Variants in CEP85L observed in about 807,000 individuals in gnomAD.
The protein encoded by CEP85L is centrosomal protein 85L.
CEP85L carries 60 observed loss-of-function variants against 100.3 expected under a neutral mutation model. The ratio of observed to expected loss-of-function variants is 0.60; its 90% CI spans 0.49 to 0.74. The LOEUF (loss-of-function observed/expected upper bound fraction) is 0.74, where lower values mean the gene tolerates loss of function less well. Among genes scored for constraint, CEP85L ranks in the 30% least tolerant of loss-of-function variants. The probability of loss-of-function intolerance (pLI) is 0.00; values close to 1 mark genes in which losing one functional copy is unlikely to be tolerated. For missense variants in CEP85L, 973 were observed against 936.2 expected (o/e 1.04, Z -0.51); for synonymous variants, 319 against 322.7 (o/e 0.99, Z 0.12).
At chr6:118,651,913 A>T, upstream of CEP85L, 1 of 985,534 alleles carries the variant, frequency 1.0e-6, no homozygotes. Context: ...CTGTGAAGAC[A>T]CGTGGAAGAC....
chr6:118,589,088 T>C, intron 2 of CEP85L: 1 of 317,908 alleles, frequency 3.1e-6, no homozygotes, highest in Non-Finnish European at 6.6e-6. Context: ...AGACAGCACC[T>C]TTGCAAAGAG....
At chr6:118,482,491 A>G (rs1034797311) in intron 7 of CEP85L, among the ~76,000 whole-genome samples, 2 of 152,206 alleles carry the variant, frequency 1.3e-5, no homozygotes, top group African/African-American at 4.8e-5. Context: ...ACTTCACAAA[A>G]TGTCCTCCAG....
chr6:118,530,778 C>A, intron 3 of CEP85L, among the ~76,000 whole-genome samples: 1 of 151,518 alleles, frequency 6.6e-6, no homozygotes, highest in African/African-American at 2.4e-5. Context: ...GAATAAAATA[C>A]CTAAGAATAC....
intron 2 of CEP85L, chr6:118,589,490 C>T (rs1781056343): frequency 3.9e-6 from 1 of 255,566 alleles, no homozygotes; most frequent in Non-Finnish European, 8.5e-6. Flanking sequence ...ACAGCTGTGT[C>T]CCCTGGGAAA....
chr6:118,651,307 C>T lies in CEP85L; in HGVS notation c.-38G>A. The T allele has an allele frequency of 1.4e-6, 2 of 1,435,036 alleles. No individual in the cohort carries two copies. Among genetic ancestry groups the T allele is most frequent in the Non-Finnish European group, 9.1e-7 (1 of 1,096,288 alleles). The allele number at this position is 1,435,036 out of a possible 1,614,324, so 88.9% of individuals were successfully genotyped here. ...GGCCGGGTGGGCCAGGGACGCCCGA[C>T]TCCTCACGTCCGTCCTCCTGCTTCT... On this transcript the variant is annotated 5_prime_UTR_variant, in exon 1 of 13. Coordinates refer to ENST00000368491, the MANE Select transcript of CEP85L (RefSeq NM_001042475.3).
At chr6:118,599,289 CA>C (rs1001682026) in intron 2 of CEP85L, among the ~76,000 whole-genome samples, 1 of 152,142 alleles carries the variant, frequency 6.6e-6, no homozygotes. Flanking sequence ...GCTCAAAAAA[CA>C]AAAGGATGGC....
At chr6:118,586,710 T>G (rs893369435) in intron 2 of CEP85L, among the ~76,000 whole-genome samples, 1 of 152,196 alleles carries the variant, frequency 6.6e-6, no homozygotes, top group Non-Finnish European at 1.5e-5. Context: ...TGAGAACTAA[T>G]CATCTTATTC....
chr6:118,644,971 G>A (rs1440666612), intron 1 of CEP85L, among the ~76,000 whole-genome samples: 1 of 152,170 alleles, frequency 6.6e-6, no homozygotes, highest in African/African-American at 2.4e-5. Flanking sequence ...CTGCCTCATA[G>A]TAGGCACTCA....
chr6:118,647,077 GAGTTATGT>G (rs1279721855), intron 1 of CEP85L: 1 of 985,108 alleles, frequency 1.0e-6, no homozygotes, highest in Non-Finnish European at 1.2e-6. Flanking sequence ...GTTTAGGCCA[GAGTTATGT>G]TTCATTGTTA....
At chr6:118,465,591 G>C (rs1772455071) in intron 12 of CEP85L, 23 bp from the exon 13 acceptor site, 1 of 1,598,384 alleles carries the variant, frequency 6.3e-7, no homozygotes. Context: ...AACATAGAGA[G>C]AATATCTCAC....
At chr6:118,656,538 G>A (rs1775795320), upstream of CEP85L, among the ~76,000 whole-genome samples, 1 of 152,190 alleles carries the variant, frequency 6.6e-6, no homozygotes, top group African/African-American at 2.4e-5. Context: ...CTTCAAGAAA[G>A]ACCTTGATAT....
At chr6:118,597,983 G>A (rs2115157237) in intron 2 of CEP85L, among the ~76,000 whole-genome samples, 1 of 152,276 alleles carries the variant, frequency 6.6e-6, no homozygotes, top group Admixed American at 6.5e-5. Context: ...GAGTTTTGAA[G>A]CCAAAGCTTC....
intron 3 of CEP85L, chr6:118,559,209 CAAGATT>C (rs1402193451): frequency 2.0e-5 from 16 of 794,720 alleles, no homozygotes; most frequent in Admixed American, 1.6e-4. Context: ...GTGAAAAGGT[CAAGATT>C]AAGACTAAAA....
intron 3 of CEP85L, among the ~76,000 whole-genome samples, chr6:118,534,856 C>T (rs1412932969): frequency 6.6e-6 from 1 of 151,694 alleles, no homozygotes; most frequent in African/African-American, 2.4e-5. Context: ...CCCACCTCTA[C>T]TAAAAATATA....
At position 118,651,326 on chromosome 6, in the gene CEP85L, TG is replaced by T; in HGVS notation, c.-58del. ...GCCCGACTCCTCACGTCCGTCCTCC[TG>T]CTTCTTCGGCGGCGGAAACTTGCGC... On this transcript the variant is annotated 5_prime_UTR_variant, in exon 1 of 13. Coordinates refer to ENST00000368491, the MANE Select transcript of CEP85L (RefSeq NM_001042475.3). 1 of 1,395,486 alleles carries T rather than the reference TG, an allele frequency of 7.2e-7. No homozygotes were observed. Among genetic ancestry groups the T allele is most frequent in the Non-Finnish European group, 9.3e-7 (1 of 1,075,624 alleles). 86.4% of individuals were successfully genotyped at this position (1,395,486 alleles called of 1,614,324 possible).
chr6:118,649,342 AGT>A (rs1775398320), intron 1 of CEP85L, among the ~76,000 whole-genome samples: 1 of 152,194 alleles, frequency 6.6e-6, no homozygotes, highest in Non-Finnish European at 1.5e-5. Flanking sequence ...CAATTAGGGT[AGT>A]AATTACAAAG....
At chr6:118,465,612 A>C in intron 12 of CEP85L, 44 bp from the exon 13 acceptor site, 1 of 1,584,240 alleles carries the variant, frequency 6.3e-7, no homozygotes, top group African/African-American at 1.3e-5. Context: ...ATTTTTTTGA[A>C]CAAAGACATT....
intron 2 of CEP85L, among the ~76,000 whole-genome samples, chr6:118,588,695 C>T (rs1242078518): frequency 6.6e-6 from 1 of 152,204 alleles, no homozygotes; most frequent in African/African-American, 2.4e-5. Context: ...TAACTCAATA[C>T]TATAACTCAA....
chr6:118,628,747 T>A (rs1362362238), intron 2 of CEP85L, among the ~76,000 whole-genome samples: 1 of 152,106 alleles, frequency 6.6e-6, no homozygotes, highest in Admixed American at 6.5e-5. Context: ...TAACTCAAAA[T>A]AGATCACAAC....
Sources: allele counts gnomAD v4.1 joint callset (sites outside exome capture counted in the v4.1 genomes callset), GRCh38; gene constraint gnomAD v4.1.1; transcripts MANE v1.5; gene names NCBI Gene and HGNC (gene_info 2026-07-23, HGNC 2026-07-21).